Variants in FMC1 observed in about 807,000 individuals in gnomAD.
FMC1 encodes the protein protein FMC1 homolog.
In FMC1, 6 loss-of-function variants were observed where a neutral mutation model predicts 10.5. That is an observed-to-expected ratio of 0.57 (90% CI 0.31 to 1.12). The LOEUF (loss-of-function observed/expected upper bound fraction) is 1.12. FMC1 is among the 50% of genes most tolerant of loss of function. FMC1 has a pLI of 0.05. For synonymous variants in FMC1, 59 were observed against 62.1 expected, an observed-to-expected ratio of 0.95 and a Z score of 0.24; for missense variants, 146 against 151.7, an observed-to-expected ratio of 0.96 and a Z score of 0.20.
upstream of FMC1, chr7:139,340,566 T>A: frequency 2.5e-6 from 1 of 398,034 alleles, no homozygotes; most frequent in Non-Finnish European, 4.4e-6. Context: ...TAACTACAAC[T>A]CCCAGCATAC....
upstream of FMC1, chr7:139,340,637 T>G: frequency 2.5e-6 from 1 of 396,690 alleles, no homozygotes; most frequent in Non-Finnish European, 4.4e-6. Context: ...GAAAATGAAG[T>G]GACGATGACG....
In FMC1 at chr7:139,341,620, C is replaced by T. The variant is rs1798972165; in HGVS notation, c.138+98C>T. On this transcript the variant is annotated intron_variant, in intron 1 of 1. Coordinates refer to ENST00000297534, the MANE Select transcript of FMC1 (RefSeq NM_197964.5). The stretch of plus-strand genomic sequence containing the variant: ...AGCACGGTGTTTAATTCCTGCATTT[C>T]TGAGGCCAACCCTCCCACGGAGCCC... 1.3e-5 allele frequency: 19 copies of T among 1,516,236 alleles called. No homozygotes were observed. The South Asian group carries it at 2.3e-4, about 18-fold the overall frequency. 93.9% of individuals were successfully genotyped at this position (1,516,236 alleles called of 1,614,324 possible). A position where few individuals can be genotyped will look rare whatever the true frequency, so the allele number is the denominator to read the frequency against.
In FMC1 at chr7:139,345,862, C is replaced by A; in HGVS notation, c.*158C>A. ...TAACTGGACATTTCATCTTTACTCT[C>A]AGTGAATTTACTGAACTTTTTGCAC... On this transcript the variant is annotated 3_prime_UTR_variant, in exon 2 of 2. Transcript: ENST00000297534. The A allele has an allele frequency of 1.2e-6, 1 of 821,956 alleles. No homozygotes were observed. The highest frequency in any genetic ancestry group is 1.8e-6 in the Non-Finnish European group (1 of 569,064). The allele number at this position is 821,956 out of a possible 1,614,324, so 50.9% of individuals were successfully genotyped here.
Position 139,341,435 on chromosome 7 carries a change from G to T in FMC1, c.51G>T (p.Glu17Asp), listed in dbSNP as rs746933781. The T allele has an allele frequency of 6.2e-7, 1 of 1,613,628 alleles. No individual in the cohort carries two copies. Among genetic ancestry groups the T allele is most frequent in the South Asian group, 1.1e-5 (1 of 91,084 alleles). Residue 17 changes from glutamate (E) to aspartate (D), a missense_variant, in exon 1 of 2, where the codon GAG (glutamate) becomes GAT (aspartate). Transcript: ENST00000297534. ...ACACTTTTCGAGGACTTCTGCGGGA[G>T]TTGCGCTACCTGAGCGCGGCCACCG... ...PSHTFRGLLR[E>D]LRYLSAATGR...
upstream of FMC1, chr7:139,340,595 G>T (rs771750222): frequency 7.5e-6 from 3 of 397,390 alleles, no homozygotes; most frequent in Non-Finnish European, 1.3e-5. Context: ...TCACGTGGGC[G>T]CTAGGTGTGG....
upstream of FMC1, chr7:139,340,559 C>T (rs528081704): frequency 2.0e-5 from 8 of 398,184 alleles, no homozygotes; most frequent in South Asian, 1.3e-4. Context: ...TGTTCTCTAA[C>T]TACAACTCCC....
intron 1 of FMC1, among the ~76,000 whole-genome samples, chr7:139,342,687 C>G: frequency 6.6e-6 from 1 of 152,282 alleles, no homozygotes; most frequent in Non-Finnish European, 1.5e-5. Context: ...GTCTTGAACT[C>G]CTGACCTCAG....
Position 139,345,873 on chromosome 7 carries a change from C to G in FMC1, c.*169C>G. 1 of 779,256 alleles carries G rather than the reference C, an allele frequency of 1.3e-6. No individual in the cohort carries two copies. 48.3% of individuals were successfully genotyped at this position (779,256 alleles called of 1,614,324 possible). The stretch of plus-strand genomic sequence containing the variant: ...TTCATCTTTACTCTCAGTGAATTTA[C>G]TGAACTTTTTGCACTAGACTGATGT... On this transcript the variant is annotated 3_prime_UTR_variant, in exon 2 of 2. Transcript: ENST00000297534.
At chr7:139,341,330 G>C (rs1798944005), upstream of FMC1, 1 of 1,569,690 alleles carries the variant, frequency 6.4e-7, no homozygotes, top group Admixed American at 1.7e-5. Context: ...CCGGAGGAGG[G>C]GTTTTCAGGG....
chr7:139,342,573 C>T (rs1799040195), intron 1 of FMC1, among the ~76,000 whole-genome samples: 1 of 152,130 alleles, frequency 6.6e-6, no homozygotes, highest in African/African-American at 2.4e-5. Context: ...AGCGATTCTC[C>T]TGCCTCAGCC....
Position 139,341,343 on chromosome 7 carries a change from G to A in FMC1, c.-42G>A. 1 of 1,584,588 alleles carries A rather than the reference G, an allele frequency of 6.3e-7. No individual in the cohort carries two copies. Among genetic ancestry groups the A allele is most frequent in the Non-Finnish European group, 8.6e-7 (1 of 1,160,172 alleles). Reference sequence around the variant, plus strand: ...GGCCGGAGGAGGGGTTTTCAGGGTCGTAGGACGCCGTTGGGCACCACGCTC... The same window carrying A: ...GGCCGGAGGAGGGGTTTTCAGGGTCATAGGACGCCGTTGGGCACCACGCTC... On this transcript the variant is annotated 5_prime_UTR_variant, in exon 1 of 2. Transcript: ENST00000297534.
intron 1 of FMC1, 57 bp downstream of exon 1, chr7:139,341,579 C>A (rs1475512180): frequency 1.9e-6 from 3 of 1,590,234 alleles, no homozygotes; most frequent in Admixed American, 3.4e-5. Context: ...AGAGCCGGGT[C>A]TGGGCTAGGG....
intron 1 of FMC1, among the ~76,000 whole-genome samples, chr7:139,343,566 C>G (rs1249209603): frequency 6.6e-6 from 1 of 152,076 alleles, no homozygotes; most frequent in Non-Finnish European, 1.5e-5. Context: ...GGCCACGGAG[C>G]GAGACCCTGT....
chr7:139,344,191 T>C (rs949908713), intron 1 of FMC1, among the ~76,000 whole-genome samples: 4 of 152,148 alleles, frequency 2.6e-5, no homozygotes, highest in Non-Finnish European at 5.9e-5. Context: ...TCTAGCTTCT[T>C]AAAGTCATGA....
chr7:139,340,855 T>C (rs539685819), upstream of FMC1, among the ~76,000 whole-genome samples: 2 of 151,334 alleles, frequency 1.3e-5, no homozygotes, highest in Non-Finnish European at 2.9e-5. Context: ...AAATGGGAAG[T>C]GTGTGTGTGT....
At chr7:139,341,215 C>T, upstream of FMC1, 3 of 1,239,340 alleles carry the variant, frequency 2.4e-6, no homozygotes, top group Non-Finnish European at 3.2e-6. Flanking sequence ...GCCCCTGGGC[C>T]TTCGATTAAT....
chr7:139,345,154 C>T (rs183648379), intron 1 of FMC1, among the ~76,000 whole-genome samples: 1 of 152,072 alleles, frequency 6.6e-6, no homozygotes, highest in Admixed American at 6.5e-5. Context: ...GATGAGTGAC[C>T]TAATTATAAT....
chr7:139,340,685 G>A (rs868196660), upstream of FMC1: 16 of 393,234 alleles, frequency 4.1e-5, no homozygotes, highest in South Asian at 1.4e-4. Flanking sequence ...TTGTGTGAGC[G>A]CGTCGTTTGC....
At chr7:139,340,642 A>G (rs927338402), upstream of FMC1, 2 of 396,552 alleles carry the variant, frequency 5.0e-6, no homozygotes, top group Admixed American at 4.4e-5. Context: ...TGAAGTGACG[A>G]TGACGTACCA....
Sources: gnomAD v4.1 joint callset for allele counts (sites outside exome capture counted in the v4.1 genomes callset) on GRCh38, gnomAD v4.1.1 for gene constraint, MANE v1.5 for transcripts, NCBI Gene and HGNC (gene_info 2026-07-23, HGNC 2026-07-21) for gene names.